SLC13A3: variants seen among roughly 807,000 people sequenced by gnomAD.
SLC13A3 encodes the protein solute carrier family 13 member 3.
A neutral mutation model predicts 59.0 loss-of-function variants in SLC13A3; 40 were observed. That is an observed-to-expected ratio of 0.68 (90% CI 0.53 to 0.88). SLC13A3 has a LOEUF of 0.88. Among genes scored for constraint, SLC13A3 ranks in the 40% least tolerant of loss-of-function variants. The pLI, the probability that SLC13A3 is intolerant of heterozygous loss-of-function variation, is 0.00. For missense variants in SLC13A3, 699 were observed against 783.2 expected, an observed-to-expected ratio of 0.89 and a Z score of 1.28; for synonymous variants, 317 against 330.3, an observed-to-expected ratio of 0.96 and a Z score of 0.44.
intron 1 of SLC13A3, among the ~76,000 whole-genome samples, chr20:46,636,130 C>T (rs1190767125): frequency 1.3e-5 from 2 of 152,186 alleles, no homozygotes; most frequent in African/African-American, 2.4e-5. Context: ...TGTGGAGTAG[C>T]CATTCTTTTG....
intron 1 of SLC13A3, among the ~76,000 whole-genome samples, chr20:46,614,557 C>T (rs1009593956): frequency 3.3e-5 from 5 of 152,168 alleles, no homozygotes; most frequent in Non-Finnish European, 5.9e-5. Context: ...CATCCTTACA[C>T]GGTACTTAGT....
At chr20:46,636,911 C>T (rs1196500344) in intron 1 of SLC13A3, among the ~76,000 whole-genome samples, 1 of 151,282 alleles carries the variant, frequency 6.6e-6, no homozygotes, top group East Asian at 1.9e-4. Flanking sequence ...AGTGATTCTC[C>T]TGCCTTAGTC....
intron 1 of SLC13A3, among the ~76,000 whole-genome samples, chr20:46,647,928 A>G (rs1211815123): frequency 2.0e-5 from 3 of 152,228 alleles, no homozygotes; most frequent in Non-Finnish European, 2.9e-5. Flanking sequence ...GCAGTTTCGC[A>G]AGTTGTTAGT....
intron 1 of SLC13A3, among the ~76,000 whole-genome samples, chr20:46,658,439 A>G (rs1335704078): frequency 6.6e-6 from 1 of 152,200 alleles, no homozygotes; most frequent in African/African-American, 2.4e-5. Context: ...ACAGTTGTAT[A>G]TAATTATTAA....
chr20:46,656,634 A>T (rs903252091), intron 1 of SLC13A3, among the ~76,000 whole-genome samples: 9 of 149,126 alleles, frequency 6.0e-5, no homozygotes, highest in Admixed American at 1.3e-4. Flanking sequence ...ACTGTATATG[A>T]TATATACTAC....
intron 8 of SLC13A3, among the ~76,000 whole-genome samples, chr20:46,586,977 G>T (rs1256324113): frequency 6.6e-6 from 1 of 152,152 alleles, no homozygotes; most frequent in African/African-American, 2.4e-5. Flanking sequence ...ACTGAAATTT[G>T]AATTTCATAT....
chr20:46,600,159 C>A, intron 3 of SLC13A3, 122 bp from the exon 4 acceptor site: 2 of 294,920 alleles, frequency 6.8e-6, no homozygotes, highest in South Asian at 7.5e-5. Flanking sequence ...CTCACTGAAT[C>A]AAAAGACAAA....
At chr20:46,579,279 C>T (rs1191092312) in intron 9 of SLC13A3, among the ~76,000 whole-genome samples, 2 of 152,120 alleles carry the variant, frequency 1.3e-5, no homozygotes, top group Non-Finnish European at 2.9e-5. Context: ...AGGTGTGTGC[C>T]ACCACACAGG....
At chr20:46,651,560 G>T (rs1244769077), upstream of SLC13A3, 2 of 1,310,448 alleles carry the variant, frequency 1.5e-6, no homozygotes, top group African/African-American at 1.6e-5. Context: ...GGAGGAAAAG[G>T]GTGGTGCCTG....
At chr20:46,636,607 C>T (rs2062797551) in intron 1 of SLC13A3, among the ~76,000 whole-genome samples, 1 of 152,158 alleles carries the variant, frequency 6.6e-6, no homozygotes. Context: ...TCCCCTGGCT[C>T]CTCATCACAG....
At chr20:46,567,798 T>C (rs1163947864) in intron 10 of SLC13A3, among the ~76,000 whole-genome samples, 1 of 152,228 alleles carries the variant, frequency 6.6e-6, no homozygotes, top group East Asian at 1.9e-4. Context: ...CACATCATTA[T>C]AACCACAAAA....
chr20:46,623,119 TA>T (rs1391064881), intron 1 of SLC13A3, among the ~76,000 whole-genome samples: 1 of 152,178 alleles, frequency 6.6e-6, no homozygotes, highest in Non-Finnish European at 1.5e-5. Context: ...GAGGACAGGA[TA>T]ACCCTGTTAC....
intron 10 of SLC13A3, among the ~76,000 whole-genome samples, chr20:46,570,070 C>G (rs1358630040): frequency 6.6e-6 from 1 of 152,126 alleles, no homozygotes; most frequent in Non-Finnish European, 1.5e-5. Flanking sequence ...GGAAAAAAGA[C>G]AAGGCTTTAT....
chr20:46,665,946 T>A (rs927494770), intron 1 of SLC13A3, among the ~76,000 whole-genome samples: 44 of 152,248 alleles, frequency 2.9e-4, no homozygotes, highest in African/African-American at 8.4e-4. Context: ...CTGCGTGTGC[T>A]TTTTATTTCA....
At chr20:46,648,260 A>G (rs1370133841) in intron 1 of SLC13A3, among the ~76,000 whole-genome samples, 3 of 151,784 alleles carry the variant, frequency 2.0e-5, no homozygotes, top group Non-Finnish European at 4.4e-5. Context: ...TGGGAAATGG[A>G]TTAAATGTGT....
At chr20:46,609,054 A>C in intron 3 of SLC13A3, 1 of 1,550,338 alleles carries the variant, frequency 6.5e-7, no homozygotes, top group South Asian at 1.2e-5. Context: ...ATTGGGTTCT[A>C]TTCCTAAAAG....
At chr20:46,569,064 G>T (rs1012238941) in intron 10 of SLC13A3, among the ~76,000 whole-genome samples, 1 of 152,160 alleles carries the variant, frequency 6.6e-6, no homozygotes, top group Non-Finnish European at 1.5e-5. Flanking sequence ...GCTCACTGCA[G>T]CCTCTATCTC....
intron 9 of SLC13A3, among the ~76,000 whole-genome samples, chr20:46,576,383 T>C (rs1441198203): frequency 1.3e-5 from 2 of 152,168 alleles, no homozygotes; most frequent in Non-Finnish European, 2.9e-5. Flanking sequence ...GTTGGGGGCA[T>C]AGGCTTGGAG....
intron 1 of SLC13A3, among the ~76,000 whole-genome samples, chr20:46,618,676 G>A: frequency 6.6e-6 from 1 of 152,212 alleles, no homozygotes; most frequent in East Asian, 1.9e-4. Context: ...ATCTGCCAGT[G>A]CCTTGATCTT....
Sources: allele counts gnomAD v4.1 joint callset (sites outside exome capture counted in the v4.1 genomes callset), GRCh38; gene constraint gnomAD v4.1.1; transcripts MANE v1.5; gene names NCBI Gene and HGNC (gene_info 2026-07-23, HGNC 2026-07-21).